Variants in SMC3 observed in about 807,000 individuals in gnomAD.
The protein encoded by SMC3 is structural maintenance of chromosomes protein 3.
Under a neutral mutation model 171.8 loss-of-function variants are expected in SMC3, and 20 were observed. The ratio of observed to expected loss-of-function variants is 0.12; its 90% CI spans 0.08 to 0.17. The LOEUF is 0.17. Ranked by LOEUF, SMC3 falls within the 10% of genes least tolerant of loss-of-function variation. SMC3 has a pLI of 1.00. For missense variants in SMC3, 543 were observed against 1,420.4 expected (o/e 0.38, Z 9.93); for synonymous variants, 464 against 451.1 (o/e 1.03, Z -0.36).
chr10:110,582,288 T>C (rs1255870957), intron 9 of SMC3, among the ~76,000 whole-genome samples, 190 bp downstream of exon 9: 1 of 152,220 alleles, frequency 6.6e-6, no homozygotes, highest in African/African-American at 2.4e-5. Context: ...TATATAGTAT[T>C]ATCTGAAATA....
intron 7 of SMC3, among the ~76,000 whole-genome samples, chr10:110,579,650 G>A (rs900957553): frequency 3.3e-5 from 5 of 152,138 alleles, no homozygotes; most frequent in East Asian, 1.9e-4. Flanking sequence ...AGCTCCATGA[G>A]GGTGGGACCT....
In SMC3 at chr10:110,605,855, C is replaced by T. The variant is rs915977916; in HGVS notation, c.*1553C>T. Among the ~76,000 whole-genome samples the T allele has an allele frequency of 2.0e-5, 3 of 152,128 alleles. No individual in the cohort carries two copies. The highest frequency in any genetic ancestry group is 4.4e-5 in the Non-Finnish European group (3 of 68,016). On this transcript the variant is annotated 3_prime_UTR_variant, in exon 29 of 29. Coordinates refer to ENST00000361804, the MANE Select transcript of SMC3 (RefSeq NM_005445.4). ...GTATAGTTTACGATTTGTAGAGTTG[C>T]TCTGATATGACCAACCCCTTATAAT...
chr10:110,577,912 C>G lies in SMC3; in HGVS notation c.348C>G (p.Val116=), dbSNP rs767477574. 1 of 1,603,778 alleles carries G rather than the reference C, an allele frequency of 6.2e-7. No homozygotes were observed. Among genetic ancestry groups the G allele is most frequent in the Non-Finnish European group, 8.5e-7 (1 of 1,170,870 alleles). ...KDQYFLDKKM[V]TKNDVMNLLE... ...AGTATTTCTTAGACAAGAAGATGGT[C>G]ACGTAAGCATTTTTCTTTTTTTTAA... is the stretch of plus-strand genomic sequence containing the variant. The change falls in exon 6 of 29, where the codon GTC becomes GTG. Residue 116 remains valine (V), a splice_region_variant and synonymous_variant. Transcript: ENST00000361804.
intron 27 of SMC3, 84 bp from the exon 28 acceptor site, chr10:110,603,100 T>G: frequency 6.5e-7 from 1 of 1,536,824 alleles, no homozygotes; most frequent in Non-Finnish European, 9.0e-7. Flanking sequence ...AGTTTTGAAT[T>G]TTAGTAAGAG....
intron 2 of SMC3, among the ~76,000 whole-genome samples, chr10:110,569,486 G>A (rs956738857): frequency 1.3e-5 from 2 of 152,124 alleles, no homozygotes; most frequent in African/African-American, 4.8e-5. Flanking sequence ...GTTATAGGGG[G>A]GTGGGGGCCT....
At chr10:110,599,548 GAT>G (rs1362151975) in intron 20 of SMC3, 104 bp from the exon 21 acceptor site, 31 of 961,822 alleles carry the variant, frequency 3.2e-5, no homozygotes, top group Middle Eastern at 2.2e-4. Context: ...TATTTGAGTT[GAT>G]ATGTCTATAT....
intron 25 of SMC3, 67 bp downstream of exon 25, chr10:110,602,245 TAA>T (rs2134753321): frequency 1.4e-6 from 2 of 1,401,332 alleles, no homozygotes; most frequent in South Asian, 2.3e-5. Flanking sequence ...TTTCAGTTTG[TAA>T]AGATTTTAAA....
At position 110,599,831 on chromosome 10, in the gene SMC3, G is replaced by A. The variant is rs749730760; in HGVS notation, c.2427+19G>A. 56 of 1,612,474 alleles carry A rather than the reference G, an allele frequency of 3.5e-5. No individual in the cohort carries two copies. The highest frequency in any genetic ancestry group is 4.1e-5 in the Non-Finnish European group (48 of 1,178,644). On this transcript the variant is annotated intron_variant, in intron 21 of 28. Transcript: ENST00000361804. Reference sequence around the variant, plus strand: ...TCAGCAGGTAAGTAGACAGCTGACTGGAAAAAGAATTCGTTAGTAATTGGC... The same window carrying A: ...TCAGCAGGTAAGTAGACAGCTGACTAGAAAAAGAATTCGTTAGTAATTGGC...
intron 3 of SMC3, 54 bp from the exon 4 acceptor site, chr10:110,575,282 A>G (rs1175258197): frequency 9.0e-6 from 12 of 1,337,356 alleles, no homozygotes; most frequent in African/African-American, 1.4e-5. Context: ...GAAGTTATAA[A>G]TAAGTTATAA....
At chr10:110,594,321 A>T (rs10787254) in intron 18 of SMC3, among the ~76,000 whole-genome samples, 17,671 of 151,776 alleles carry the variant, frequency 0.12, 1,212 homozygotes, top group East Asian at 0.26. Context: ...TTATTATTTT[A>T]AAAAATATTA....
intron 3 of SMC3, 36 bp downstream of exon 3, chr10:110,573,781 A>G: frequency 7.6e-7 from 1 of 1,311,562 alleles, no homozygotes; most frequent in East Asian, 2.3e-5. Flanking sequence ...ATATATTAAG[A>G]CCTGGGTATC....
chr10:110,600,042 A>G (rs1480412513), intron 21 of SMC3, among the ~76,000 whole-genome samples: 1 of 152,222 alleles, frequency 6.6e-6, no homozygotes. Context: ...GTTAATTAGC[A>G]TTACTTATTA....
chr10:110,571,736 G>A (rs1160949084), intron 2 of SMC3, among the ~76,000 whole-genome samples: 1 of 151,956 alleles, frequency 6.6e-6, no homozygotes, highest in Non-Finnish European at 1.5e-5. Flanking sequence ...ACCTCAGTAC[G>A]TTTTTAGTCT....
chr10:110,595,373 T>A (rs1426129190), intron 18 of SMC3, among the ~76,000 whole-genome samples: 1 of 152,026 alleles, frequency 6.6e-6, no homozygotes, highest in Non-Finnish European at 1.5e-5. Flanking sequence ...TCTTATTGCT[T>A]CCTCATCATT....
chr10:110,569,061 A>C, intron 2 of SMC3, 48 bp downstream of exon 2: 1 of 1,166,480 alleles, frequency 8.6e-7, no homozygotes, highest in Non-Finnish European at 1.3e-6. Flanking sequence ...TATACAGATA[A>C]TGTAAATTCT....
chr10:110,590,026 T>C (rs956724258), intron 15 of SMC3, 35 bp downstream of exon 15: 12 of 1,529,698 alleles, frequency 7.8e-6, no homozygotes, highest in Non-Finnish European at 1.1e-5. Flanking sequence ...CTGTTTACAC[T>C]GAGTCATTGA....
At chr10:110,573,014 A>G (rs1232100626) in intron 2 of SMC3, among the ~76,000 whole-genome samples, 3 of 152,178 alleles carry the variant, frequency 2.0e-5, no homozygotes, top group African/African-American at 7.2e-5. Context: ...CCTTTCTGGC[A>G]TGACATGAAT....
intron 19 of SMC3, 72 bp downstream of exon 19, chr10:110,596,622 C>A (rs1170987670): frequency 7.7e-6 from 11 of 1,429,346 alleles, no homozygotes; most frequent in South Asian, 1.3e-5. Context: ...CATATATAAT[C>A]TTTTGTTTTT....
intron 17 of SMC3, among the ~76,000 whole-genome samples, chr10:110,592,585 T>C (rs534905584): frequency 9.8e-5 from 15 of 152,350 alleles, no homozygotes; most frequent in African/African-American, 2.2e-4. Context: ...AATTTAGATA[T>C]ATAAAATATG....
Sources: allele counts gnomAD v4.1 joint callset (sites outside exome capture counted in the v4.1 genomes callset), GRCh38; gene constraint gnomAD v4.1.1; transcripts MANE v1.5; gene names NCBI Gene and HGNC (gene_info 2026-07-23, HGNC 2026-07-21).